Variants in TNFSF14 observed in about 807,000 individuals in gnomAD.
TNFSF14 encodes TNF superfamily member 14, also known as tumor necrosis factor ligand superfamily member 14.
Under a neutral mutation model 22.7 loss-of-function variants are expected in TNFSF14, and 15 were observed. The ratio of observed to expected loss-of-function variants is 0.66; its 90% CI spans 0.44 to 1.02. The LOEUF (loss-of-function observed/expected upper bound fraction) is 1.02. Among genes scored for constraint, TNFSF14 ranks in the 50% least tolerant of loss-of-function variants. The probability of loss-of-function intolerance (pLI) is 0.00; values close to 1 mark genes in which losing one functional copy is unlikely to be tolerated. For synonymous variants in TNFSF14, 133 were observed against 139.6 expected (o/e 0.95, Z 0.33); for missense variants, 287 against 326.2 (o/e 0.88, Z 0.93).
chr19:6,667,006 G>C, intron 3 of TNFSF14, 107 bp downstream of exon 3: 1 of 1,251,940 alleles, frequency 8.0e-7, no homozygotes, highest in Non-Finnish European at 1.1e-6. Flanking sequence ...AACTCTGTGA[G>C]TAAATAAGCA....
rs778071766 is a variant in TNFSF14 at position 6,669,824 on chromosome 19, TGCTCTCA to T, written c.219+20_219+26del. The T allele has an allele frequency of 3.4e-5, 55 of 1,604,266 alleles. No homozygotes were observed. The highest frequency in any genetic ancestry group is 4.7e-5 in the Non-Finnish European group (55 of 1,178,654). ...CAGGGGAGCCCCCCTCACCTCCACC[TGCTCTCA>T]GCCCCCCGGTCCCACTCACAGGCAG... On this transcript the variant is annotated intron_variant, in intron 1 of 3. Transcript: ENST00000675206.
chr19:6,670,223 A>C (rs1599490429), upstream of TNFSF14: 38 of 1,405,236 alleles, frequency 2.7e-5, no homozygotes, highest in African/African-American at 1.0e-4. Flanking sequence ...TCCCCCACTC[A>C]CCCTCCTCTT....
chr19:6,665,478 G>A (rs995417368), intron 3 of TNFSF14, 128 bp from the exon 4 acceptor site: 22 of 1,046,220 alleles, frequency 2.1e-5, no homozygotes, highest in African/African-American at 3.2e-5. Flanking sequence ...GCATGATCTC[G>A]GCTTACTGCA....
chr19:6,669,969 C>T lies in TNFSF14; in HGVS notation c.101G>A (p.Ser34Asn), dbSNP rs1318775320. 1.2e-6 allele frequency: 2 copies of T among 1,614,172 alleles called. No individual in the cohort carries two copies. Among genetic ancestry groups the T allele is most frequent in the Non-Finnish European group, 1.7e-6 (2 of 1,180,022 alleles). The change falls in exon 1 of 4, where the codon AGT becomes AAT. Residue 34 changes from serine to asparagine, a missense_variant. Transcript: ENST00000675206. ...GAGACCCAGACCCACCCGGGCCACA[C>T]TGCACGACTGTCTCCGGTGGCTTCG... The part of the protein sequence containing the change: ...LGRSHRRQSC[S>N]VARVGLGLLL...
rs577856607 is a variant in TNFSF14 at position 6,664,513 on chromosome 19, A to G, written c.*413T>C. On this transcript the variant is annotated 3_prime_UTR_variant, in exon 4 of 4. Coordinates refer to ENST00000675206, the MANE Select transcript of TNFSF14 (RefSeq NM_001376887.1). This position sits in a 1 kb window ranked among gnomAD's most constrained non-coding sequence, Gnocchi z 4.7. ...TTTGGGTTCCCTGGAGTGTCCCCCA[A>G]GATCTGTTTCCTGAGTTTTCTTTTT... The G allele has an allele frequency of 9.2e-4, 146 of 158,832 alleles. 3 individuals are homozygous for G. The South Asian group carries it at 0.024, about 27-fold the overall frequency. 9.8% of individuals were successfully genotyped at this position (158,832 alleles called of 1,614,324 possible). A position where few individuals can be genotyped will look rare whatever the true frequency, so the allele number is the denominator to read the frequency against.
Position 6,669,737 on chromosome 19 carries a change from TACACACACACACAC to T in TNFSF14, c.219+100_219+113del, listed in dbSNP as rs34381198. 112 of 1,232,042 alleles carry T rather than the reference TACACACACACACAC, an allele frequency of 9.1e-5. No individual in the cohort carries two copies. The African/African-American group carries it at 1.2e-3, about 13-fold the overall frequency. 76.3% of individuals were successfully genotyped at this position (1,232,042 alleles called of 1,614,324 possible). A position where few individuals can be genotyped will look rare whatever the true frequency, so the allele number is the denominator to read the frequency against. ...GCTGCTCTCAGCCTGTGCCCTGTCC[TACACACACACACAC>T]ACACACACACACACACACACACAGA... On this transcript the variant is annotated intron_variant, in intron 1 of 3. Coordinates refer to ENST00000675206, the MANE Select transcript of TNFSF14 (RefSeq NM_001376887.1).
intron 3 of TNFSF14, 99 bp downstream of exon 3, chr19:6,667,014 G>T: frequency 1.5e-6 from 2 of 1,324,514 alleles, no homozygotes; most frequent in Non-Finnish European, 2.1e-6. Context: ...GAGTAAATAA[G>T]CAATGAATGA....
Position 6,667,155 on chromosome 19 carries a change from C to G in TNFSF14, c.257-1G>C. The G allele has an allele frequency of 6.3e-7, 1 of 1,589,064 alleles. No homozygotes were observed. Among genetic ancestry groups the G allele is most frequent in the Non-Finnish European group, 8.5e-7 (1 of 1,170,432 alleles). ...GGGTTGACCTCGTGAGACCTTCGCT[C>G]TGGGGAAAGAGGGTCAGAGGTTAGA... is the stretch of plus-strand genomic sequence containing the variant. On this transcript the variant is annotated splice_acceptor_variant, in intron 2 of 3. Transcript: ENST00000675206. LOFTEE classifies it high-confidence loss of function.
Position 6,663,391 on chromosome 19 carries a change from ATGTTGTGTGTGTAATGTGTGTTTGT to A in TNFSF14, c.*1510_*1534del, listed in dbSNP as rs1568200274. ...TGTGTAATGTGTGTTTGTCATCGTG[ATGTTGTGTGTGTAATGTGTGTTTGT>A]CATCGTGATGTTGTGTGTGTAATGT... On this transcript the variant is annotated 3_prime_UTR_variant, in exon 4 of 4. Transcript: ENST00000675206. 1.5e-4 allele frequency: 21 copies of A among 141,490 alleles called. No individual in the cohort carries two copies. Among genetic ancestry groups the A allele is most frequent in the Non-Finnish European group, 1.7e-4 (11 of 65,094 alleles). The allele number at this position is 141,490 out of a possible 1,614,324, so 8.8% of individuals were successfully genotyped here. A position where few individuals can be genotyped will look rare whatever the true frequency, so the allele number is the denominator to read the frequency against.
intron 3 of TNFSF14, among the ~76,000 whole-genome samples, chr19:6,666,766 T>C (rs915783094): frequency 2.0e-5 from 3 of 151,944 alleles, no homozygotes; most frequent in Non-Finnish European, 4.4e-5. Context: ...GGTGTGGTGG[T>C]GCATGCCTGT....
At position 6,663,369 on chromosome 19, in the gene TNFSF14, GTAA is replaced by G. The variant is rs1024783543; in HGVS notation, c.*1554_*1556del. 4.6e-4 allele frequency: 70 copies of G among 152,174 alleles called. No homozygotes were observed. The highest frequency in any genetic ancestry group is 1.6e-3 in the African/African-American group (67 of 41,410). The allele number at this position is 152,174 out of a possible 1,614,324, so 9.4% of individuals were successfully genotyped here. A position where few individuals can be genotyped will look rare whatever the true frequency, so the allele number is the denominator to read the frequency against. ...TTGTGTTTGTCATTGTGATGTGTGT[GTAA>G]TGTGTGTTTGTCATCGTGATGTTGT... On this transcript the variant is annotated 3_prime_UTR_variant, in exon 4 of 4. Transcript: ENST00000675206.
chr19:6,668,259 A>T (rs1444066792), intron 1 of TNFSF14, among the ~76,000 whole-genome samples: 1 of 151,868 alleles, frequency 6.6e-6, no homozygotes, highest in Admixed American at 6.6e-5. Context: ...GCTACTCATG[A>T]AGCTGGGACA....
intron 1 of TNFSF14, among the ~76,000 whole-genome samples, chr19:6,669,476 T>TC (rs1917530203): frequency 6.6e-6 from 1 of 152,008 alleles, no homozygotes. Context: ...AGAGTGAAAC[T>TC]CCGTCTCAAA....
intron 1 of TNFSF14, 125 bp downstream of exon 1, chr19:6,669,726 G>C (rs953600534): frequency 9.9e-6 from 14 of 1,414,332 alleles, no homozygotes; most frequent in African/African-American, 7.4e-5. Flanking sequence ...CTCTCAGCCT[G>C]TGCCCTGTCC....
intron 1 of TNFSF14, among the ~76,000 whole-genome samples, chr19:6,668,763 G>C (rs1379882088): frequency 6.6e-6 from 1 of 152,118 alleles, no homozygotes; most frequent in Admixed American, 6.5e-5. Flanking sequence ...ACCACCCTTG[G>C]GATATAGCAC....
At position 6,669,835 on chromosome 19, in the gene TNFSF14, C is replaced by T; in HGVS notation, c.219+16G>A. The T allele has an allele frequency of 8.7e-6, 14 of 1,609,786 alleles. No homozygotes were observed. The highest frequency in any genetic ancestry group is 1.2e-5 in the Non-Finnish European group (14 of 1,179,792). On this transcript the variant is annotated intron_variant, in intron 1 of 3. Transcript: ENST00000675206. ...CCCTCACCTCCACCTGCTCTCAGCC[C>T]CCCGGTCCCACTCACAGGCAGGCGG...
Position 6,670,058 on chromosome 19 carries a change from ACTCTC to A in TNFSF14, c.7_11del (p.Glu3CysfsTer70). On this transcript the variant is annotated frameshift_variant, in exon 1 of 4. Transcript: ENST00000675206. LOFTEE classifies it high-confidence loss of function. ...CCACAAACACTGAGGGCCGTACGACACTCTCCTCCATGCCCAAGGTGTCTGGAGCA... is the reference window on the plus strand; with the variant it reads ...CCACAAACACTGAGGGCCGTACGACACTCCATGCCCAAGGTGTCTGGAGCA... 1 of 1,613,220 alleles carries A rather than the reference ACTCTC, an allele frequency of 6.2e-7. No homozygotes were observed. Among genetic ancestry groups the A allele is most frequent in the Non-Finnish European group, 8.5e-7 (1 of 1,179,672 alleles).
At chr19:6,668,498 G>C (rs1481733318) in intron 1 of TNFSF14, among the ~76,000 whole-genome samples, 1 of 152,150 alleles carries the variant, frequency 6.6e-6, no homozygotes, top group Non-Finnish European at 1.5e-5. Context: ...TTGAGGTCAG[G>C]AGTTCGAGAC....
intron 2 of TNFSF14, 84 bp from the exon 3 acceptor site, chr19:6,667,238 T>C (rs1367127107): frequency 7.5e-6 from 11 of 1,459,798 alleles, no homozygotes; most frequent in Non-Finnish European, 1.0e-5. Context: ...GTACACCTCC[T>C]GGAATCAACC....
Sources: gnomAD v4.1 joint callset for allele counts (sites outside exome capture counted in the v4.1 genomes callset) on GRCh38, gnomAD v4.1.1 for gene constraint, Gnocchi (gnomAD v3.1) non-coding constraint, MANE v1.5 for transcripts, NCBI Gene and HGNC (gene_info 2026-07-23, HGNC 2026-07-21) for gene names.